CTNND2: variants seen among roughly 807,000 people sequenced by gnomAD.
The protein encoded by CTNND2 is catenin delta-2.
A neutral mutation model predicts 144.4 loss-of-function variants in CTNND2; 22 were observed. The observed-to-expected ratio is 0.15, with a 90% CI of 0.11 to 0.22. CTNND2 has a LOEUF of 0.22. Ranked by LOEUF, CTNND2 falls within the 10% of genes least tolerant of loss-of-function variation. The pLI is 1.00. For missense variants in CTNND2, 1,353 were observed against 1,618.8 expected, an observed-to-expected ratio of 0.84 and a Z score of 2.82; for synonymous variants, 751 against 695.6, an observed-to-expected ratio of 1.08 and a Z score of -1.25.
chr5:11,627,936 G>A (rs907916597), intron 2 of CTNND2, among the ~76,000 whole-genome samples: 4 of 151,568 alleles, frequency 2.6e-5, no homozygotes, highest in Non-Finnish European at 5.9e-5. Flanking sequence ...TAGGGTTCAC[G>A]TTCTTATAAG....
intron 1 of CTNND2, among the ~76,000 whole-genome samples, chr5:11,816,115 G>A (rs1412237256): frequency 6.6e-6 from 1 of 152,132 alleles, no homozygotes; most frequent in Non-Finnish European, 1.5e-5. Context: ...CATGCACCTG[G>A]GGGCTGCCAC....
At chr5:11,889,208 G>A (rs1462765342) in intron 1 of CTNND2, among the ~76,000 whole-genome samples, 1 of 152,130 alleles carries the variant, frequency 6.6e-6, no homozygotes, top group African/African-American at 2.4e-5. Flanking sequence ...TGAAGATAGG[G>A]AGAAGGGGCC....
At chr5:11,082,485 ATGTCAAC>A (rs1749678951) in intron 16 of CTNND2, among the ~76,000 whole-genome samples, 1 of 152,230 alleles carries the variant, frequency 6.6e-6, no homozygotes, top group South Asian at 2.1e-4. Context: ...AGGATTAGAA[ATGTCAAC>A]GAGCATCACA....
chr5:11,672,104 G>C (rs373084866), intron 2 of CTNND2, among the ~76,000 whole-genome samples: 3 of 152,180 alleles, frequency 2.0e-5, no homozygotes, highest in Admixed American at 2.0e-4. Context: ...GGGTATCACC[G>C]GCAGAGGCTG....
rs550098357 is a variant in CTNND2 at position 11,638,652 on chromosome 5, C to A, written c.175-73596G>T. 3.9e-5 allele frequency among the ~76,000 whole-genome samples: 6 copies of A among 152,312 alleles called. No homozygotes were observed. In the South Asian group the frequency reaches 1.2e-3, roughly 32 times the overall value. ...GCAGTGGTGCCATCTTGGCTCAATG[C>A]ACCCTCTGCCTCCTAGGTTCAAGAG... On this transcript the variant is annotated intron_variant, in intron 2 of 21. Transcript: ENST00000304623.
intron 3 of CTNND2, among the ~76,000 whole-genome samples, chr5:11,453,672 T>C (rs1765480283): frequency 6.6e-6 from 1 of 152,166 alleles, no homozygotes; most frequent in Non-Finnish European, 1.5e-5. Flanking sequence ...TTATCAGCCA[T>C]GATATATTCC....
chr5:11,614,555 A>C (rs559287223), intron 2 of CTNND2, among the ~76,000 whole-genome samples: 34 of 152,384 alleles, frequency 2.2e-4, no homozygotes, highest in Non-Finnish European at 1.5e-5. Flanking sequence ...GAAACTCCTG[A>C]AAAATGTAAA....
chr5:11,274,578 CG>C (rs1392708000), intron 9 of CTNND2, among the ~76,000 whole-genome samples: 86 of 142,436 alleles, frequency 6.0e-4, no homozygotes, highest in South Asian at 2.4e-3. Flanking sequence ...ATTTTGCTTT[CG>C]TTTTTTTTTT....
At position 11,294,177 on chromosome 5, in the gene CTNND2, CAA is replaced by C. The variant is rs34764407; in HGVS notation, c.1628+52193_1628+52194del. On this transcript the variant is annotated intron_variant, in intron 9 of 21. Coordinates refer to ENST00000304623, the MANE Select transcript of CTNND2 (RefSeq NM_001332.4). ...ACATATAGTTTCACTGTCACAATCT[CAA>C]AAAAAAAAAAAAAACAAAGCCAGTT... Among the ~76,000 whole-genome samples, 157 of 133,164 alleles carry C rather than the reference CAA, an allele frequency of 1.2e-3. 1 individual carries two copies. The highest frequency in any genetic ancestry group is 3.1e-3 in the East Asian group (14 of 4,486). The allele number at this position is 133,164 out of a possible 152,430, so 87.4% of individuals were successfully genotyped here. A position where few individuals can be genotyped will look rare whatever the true frequency, so the allele number is the denominator to read the frequency against.
chr5:11,391,003 G>A (rs1340688479), intron 6 of CTNND2, among the ~76,000 whole-genome samples: 1 of 152,130 alleles, frequency 6.6e-6, no homozygotes, highest in South Asian at 2.1e-4. Flanking sequence ...GGCCACAGAG[G>A]AGTCAAAATG....
In CTNND2 at chr5:11,685,308, A is replaced by T. The variant is rs557279816; in HGVS notation, c.174+46828T>A. ...CACATATTCAGTCAAAACTTGTCCA[A>T]TGTCTTTAAAAATGAAAGCAAAGTG... On this transcript the variant is annotated intron_variant, in intron 2 of 21. Transcript: ENST00000304623. 2.0e-5 allele frequency among the ~76,000 whole-genome samples: 3 copies of T among 152,304 alleles called. No individual in the cohort carries two copies. The East Asian group carries it at 5.8e-4, about 29-fold the overall frequency.
chr5:11,867,625 T>C (rs891908314), intron 1 of CTNND2, among the ~76,000 whole-genome samples: 1 of 147,390 alleles, frequency 6.8e-6, no homozygotes, highest in Non-Finnish European at 1.5e-5. Flanking sequence ...TAGTTATAGA[T>C]ACTGAGACCA....
intron 2 of CTNND2, among the ~76,000 whole-genome samples, chr5:11,668,483 C>G (rs1052560185): frequency 1.3e-5 from 2 of 152,128 alleles, no homozygotes; most frequent in African/African-American, 4.8e-5. Flanking sequence ...CCTTCATATC[C>G]CTTGTAAGCT....
At chr5:11,576,394 T>A in intron 2 of CTNND2, among the ~76,000 whole-genome samples, 2 of 150,044 alleles carry the variant, frequency 1.3e-5, no homozygotes, top group South Asian at 4.2e-4. Context: ...TACATACAAT[T>A]AAGATTAAAT....
intron 13 of CTNND2, among the ~76,000 whole-genome samples, chr5:11,113,470 C>G (rs1019210259): frequency 6.6e-6 from 1 of 152,076 alleles, no homozygotes; most frequent in Non-Finnish European, 1.5e-5. Context: ...CCCGCAACAC[C>G]GGGAATATTT....
chr5:11,112,630 G>A (rs1462723992), intron 13 of CTNND2, among the ~76,000 whole-genome samples: 1 of 152,186 alleles, frequency 6.6e-6, no homozygotes, highest in East Asian at 1.9e-4. Context: ...CAAGTACTGG[G>A]AAGAAAGCTG....
intron 16 of CTNND2, among the ~76,000 whole-genome samples, chr5:11,037,238 A>G (rs1428427121): frequency 6.6e-6 from 1 of 152,214 alleles, no homozygotes; most frequent in African/African-American, 2.4e-5. Flanking sequence ...CAATTTGGAT[A>G]TTAGTGGTTA....
At chr5:11,713,748 T>C (rs1786175350) in intron 2 of CTNND2, among the ~76,000 whole-genome samples, 2 of 152,114 alleles carry the variant, frequency 1.3e-5, no homozygotes, top group African/African-American at 4.8e-5. Flanking sequence ...AAATAAAATG[T>C]AACACAGAGC....
intron 11 of CTNND2, among the ~76,000 whole-genome samples, chr5:11,198,878 C>T (rs954766680): frequency 6.6e-6 from 1 of 152,188 alleles, no homozygotes; most frequent in Non-Finnish European, 1.5e-5. Context: ...ATTTATGAAA[C>T]CTTCACGACT....
Sources: gnomAD v4.1 joint callset for allele counts (sites outside exome capture counted in the v4.1 genomes callset) on GRCh38, gnomAD v4.1.1 for gene constraint, MANE v1.5 for transcripts, NCBI Gene and HGNC (gene_info 2026-07-23, HGNC 2026-07-21) for gene names.